CNTN6: variants seen among roughly 807,000 people sequenced by gnomAD.
The protein encoded by CNTN6 is contactin 6.
In CNTN6, 137 loss-of-function variants were observed where a neutral mutation model predicts 122.8. The ratio of observed to expected loss-of-function variants is 1.12; its 90% confidence interval spans 0.97 to 1.29. CNTN6 has a LOEUF of 1.29. Among genes scored for constraint, CNTN6 ranks in the 50% most tolerant of loss-of-function variants. CNTN6 has a pLI of 0.00. For missense variants in CNTN6, 1,634 were observed against 1,223.4 expected, an observed-to-expected ratio of 1.34 and a Z score of -5.01; for synonymous variants, 570 against 426.0, an observed-to-expected ratio of 1.34 and a Z score of -4.16.
chr3:1,328,264 TG>T (rs1701813136), intron 10 of CNTN6, among the ~76,000 whole-genome samples: 1 of 151,804 alleles, frequency 6.6e-6, no homozygotes, highest in Non-Finnish European at 1.5e-5. Flanking sequence ...TGAAAAGTGC[TG>T]AGATTAAAGC....
chr3:1,177,170 T>C (rs1363631744), intron 2 of CNTN6, among the ~76,000 whole-genome samples: 2 of 152,134 alleles, frequency 1.3e-5, no homozygotes, highest in African/African-American at 4.8e-5. Flanking sequence ...GTGAGGAAAA[T>C]GTTCTAATTA....
intron 19 of CNTN6, among the ~76,000 whole-genome samples, chr3:1,384,572 A>G (rs909295582): frequency 5.3e-5 from 8 of 151,684 alleles, no homozygotes; most frequent in Non-Finnish European, 1.2e-4. Flanking sequence ...ATCTTTTTCA[A>G]CTTGCAAATT....
At chr3:1,094,112 AAAG>A (rs2090389820) in intron 1 of CNTN6, among the ~76,000 whole-genome samples, 1 of 152,200 alleles carries the variant, frequency 6.6e-6, no homozygotes, top group East Asian at 1.9e-4. Flanking sequence ...GATGTCTGTA[AAAG>A]AAGAAGCATA....
intron 12 of CNTN6, among the ~76,000 whole-genome samples, chr3:1,359,590 C>T (rs986610102): frequency 3.3e-5 from 5 of 151,986 alleles, no homozygotes; most frequent in Non-Finnish European, 7.4e-5. Context: ...TTAAATTTTA[C>T]TCTGTGGTGA....
intron 2 of CNTN6, chr3:1,173,433 C>G (rs1365257284): frequency 2.7e-6 from 1 of 371,512 alleles, no homozygotes; most frequent in Non-Finnish European, 5.3e-6. Context: ...AGAAAATCCT[C>G]TAAAGGACAG....
At chr3:1,388,525 C>T (rs1486107595) in intron 20 of CNTN6, among the ~76,000 whole-genome samples, 6 of 151,462 alleles carry the variant, frequency 4.0e-5, no homozygotes, top group Admixed American at 2.0e-4. Flanking sequence ...TCCAAGGGAA[C>T]GCAGTTCCTC....
chr3:1,098,756 GCACACACA>G (rs57847953), intron 1 of CNTN6, among the ~76,000 whole-genome samples: 8 of 89,070 alleles, frequency 9.0e-5, no homozygotes, highest in Non-Finnish European at 1.2e-4. Context: ...TGGCAGTAAT[GCACACACA>G]CACACACACA....
At chr3:1,263,767 G>T (rs997794106) in intron 4 of CNTN6, among the ~76,000 whole-genome samples, 1 of 151,870 alleles carries the variant, frequency 6.6e-6, no homozygotes, top group Admixed American at 6.6e-5. Flanking sequence ...TGAAGCTTAT[G>T]GTCTATTTAG....
intron 7 of CNTN6, among the ~76,000 whole-genome samples, chr3:1,312,229 A>AT (rs1180566484): frequency 3.3e-5 from 5 of 151,268 alleles, no homozygotes; most frequent in South Asian, 2.1e-4. Context: ...GTTTTTGAAA[A>AT]TTTTTTTTTC....
In CNTN6 at chr3:1,210,395, G is replaced by GAAGGGAAGGA. The variant is rs377028278; in HGVS notation, c.56-10279_56-10270dup. ...AAGGAAGAAAGAAGGGAAGTGAAGG[G>GAAGGGAAGGA]AAGGGAAGGAAAGGGAAGGAAAAAG... is the stretch of plus-strand genomic sequence containing the variant. On this transcript the variant is annotated intron_variant, in intron 2 of 22. Transcript: ENST00000446702. Among the ~76,000 whole-genome samples, 15 of 120,844 alleles carry GAAGGGAAGGA rather than the reference G, an allele frequency of 1.2e-4. No individual in the cohort carries two copies. In the South Asian group the frequency reaches 2.0e-3, roughly 16 times the overall value. 79.3% of individuals were successfully genotyped at this position (120,844 alleles called of 152,430 possible).
intron 5 of CNTN6, among the ~76,000 whole-genome samples, chr3:1,290,239 C>T (rs1442187888): frequency 6.6e-6 from 1 of 152,194 alleles, no homozygotes; most frequent in African/African-American, 2.4e-5. Context: ...CTACTCCCTG[C>T]TAATATTAGC....
chr3:1,273,612 A>T (rs933198757), intron 4 of CNTN6, among the ~76,000 whole-genome samples: 1 of 152,202 alleles, frequency 6.6e-6, no homozygotes, highest in Admixed American at 6.5e-5. Flanking sequence ...AGGCAGACTT[A>T]TATCTTGTCT....
At chr3:1,244,919 A>G (rs1362985456) in intron 4 of CNTN6, among the ~76,000 whole-genome samples, 1 of 150,340 alleles carries the variant, frequency 6.7e-6, no homozygotes, top group Non-Finnish European at 1.5e-5. Context: ...GGGGGAGATT[A>G]CAAAGTACAT....
chr3:1,346,746 G>A (rs556420309), intron 11 of CNTN6, among the ~76,000 whole-genome samples: 2 of 152,174 alleles, frequency 1.3e-5, no homozygotes, highest in South Asian at 4.2e-4. Context: ...AAAAACGAGG[G>A]TAAAATATTC....
At chr3:1,342,475 T>G (rs1370367152) in intron 11 of CNTN6, among the ~76,000 whole-genome samples, 1 of 152,132 alleles carries the variant, frequency 6.6e-6, no homozygotes, top group African/African-American at 2.4e-5. Context: ...ACATAGCAAA[T>G]TGGATTTATT....
At chr3:1,388,293 C>T (rs547274523) in intron 20 of CNTN6, among the ~76,000 whole-genome samples, 96 of 148,050 alleles carry the variant, frequency 6.5e-4, no homozygotes, top group Middle Eastern at 3.4e-3. Context: ...CACCCCCCAG[C>T]AGGGGCACAC....
intron 7 of CNTN6, among the ~76,000 whole-genome samples, chr3:1,313,661 G>T (rs1280889087): frequency 6.6e-6 from 1 of 152,018 alleles, no homozygotes; most frequent in Non-Finnish European, 1.5e-5. Context: ...GCTTTTCAAA[G>T]ATGTCCTCCC....
At chr3:1,319,437 A>G (rs1375469865) in intron 7 of CNTN6, among the ~76,000 whole-genome samples, 1 of 151,636 alleles carries the variant, frequency 6.6e-6, no homozygotes, top group African/African-American at 2.4e-5. Flanking sequence ...GAGTCTGCAT[A>G]ATATATGCAT....
At chr3:1,268,562 G>C (rs199867662) in intron 4 of CNTN6, among the ~76,000 whole-genome samples, 1,846 of 136,842 alleles carry the variant, frequency 0.013, 32 homozygotes, top group Middle Eastern at 0.034. Flanking sequence ...AGCCGAGATT[G>C]AGCCACTGCA....
Sources: allele counts gnomAD v4.1 joint callset (sites outside exome capture counted in the v4.1 genomes callset), GRCh38; gene constraint gnomAD v4.1.1; transcripts MANE v1.5; gene names NCBI Gene and HGNC (gene_info 2026-07-23, HGNC 2026-07-21).